The following CSMD1 variants were observed in gnomAD, a reference collection of about 807,000 sequenced individuals.
The protein encoded by CSMD1 is CUB and sushi domain-containing protein 1.
Under a neutral mutation model 417.5 loss-of-function variants are expected in CSMD1, and 213 were observed. That is an observed-to-expected ratio of 0.51 (90% CI 0.46 to 0.57). CSMD1 has a LOEUF of 0.57. Ranked by LOEUF, CSMD1 falls within the 20% of genes least tolerant of loss-of-function variation. CSMD1 has a pLI of 0.00. For synonymous variants in CSMD1, 2,862 were observed against 1,736.8 expected, an observed-to-expected ratio of 1.65 and a Z score of -16.11; for missense variants, 6,923 against 4,529.7, an observed-to-expected ratio of 1.53 and a Z score of -15.17.
At chr8:4,135,650 T>C (rs1249097894) in intron 3 of CSMD1, among the ~76,000 whole-genome samples, 7 of 152,120 alleles carry the variant, frequency 4.6e-5, no homozygotes, top group East Asian at 1.9e-4. Context: ...GGATAATATA[T>C]GAAGAAGAAA....
chr8:3,530,315 C>G (rs1451476421), intron 10 of CSMD1, among the ~76,000 whole-genome samples: 2 of 151,902 alleles, frequency 1.3e-5, no homozygotes, highest in Non-Finnish European at 2.9e-5. Context: ...CCCTCTTGGC[C>G]CTGTTTTGGC....
chr8:3,517,426 T>G (rs1797327698), intron 10 of CSMD1, among the ~76,000 whole-genome samples: 1 of 152,164 alleles, frequency 6.6e-6, no homozygotes, highest in African/African-American at 2.4e-5. Context: ...GAGAGTCCTC[T>G]ACACTCCAAC....
chr8:3,798,930 TATC>T (rs1008702312), intron 5 of CSMD1, among the ~76,000 whole-genome samples: 1 of 152,140 alleles, frequency 6.6e-6, no homozygotes, highest in South Asian at 2.1e-4. Context: ...AAGCTAAACA[TATC>T]ATATATATAA....
intron 38 of CSMD1, among the ~76,000 whole-genome samples, chr8:3,159,614 AT>A (rs1819754526): frequency 6.6e-6 from 1 of 152,232 alleles, no homozygotes; most frequent in African/African-American, 2.4e-5. Flanking sequence ...GTTGTTAGCA[AT>A]TCAAAAAAAA....
chr8:4,083,092 T>C (rs952385186), intron 3 of CSMD1, among the ~76,000 whole-genome samples: 3 of 152,136 alleles, frequency 2.0e-5, no homozygotes, highest in Admixed American at 6.6e-5. Flanking sequence ...CATGTTTCTT[T>C]ATAGCAGCAT....
At chr8:3,709,111 C>G (rs1363666950) in intron 6 of CSMD1, among the ~76,000 whole-genome samples, 1 of 150,768 alleles carries the variant, frequency 6.6e-6, no homozygotes, top group African/African-American at 2.4e-5. Flanking sequence ...AAATATGTTT[C>G]TTGATGTACT....
chr8:4,611,378 C>T (rs971279302), intron 2 of CSMD1, among the ~76,000 whole-genome samples: 2 of 152,160 alleles, frequency 1.3e-5, no homozygotes, highest in African/African-American at 4.8e-5. Flanking sequence ...TAACTCAGCT[C>T]CCCACTGGCT....
chr8:4,726,569 C>G (rs984132568), intron 1 of CSMD1, among the ~76,000 whole-genome samples: 3 of 152,144 alleles, frequency 2.0e-5, no homozygotes, highest in Non-Finnish European at 2.9e-5. Context: ...ACTTCCCTGT[C>G]TGACAGGTGA....
At chr8:4,446,693 C>G (rs1798810157) in intron 2 of CSMD1, among the ~76,000 whole-genome samples, 1 of 150,708 alleles carries the variant, frequency 6.6e-6, no homozygotes, top group Non-Finnish European at 1.5e-5. Context: ...GCTGCGATTA[C>G]TCGTGCCCAC....
At chr8:3,580,114 G>T (rs76425249) in intron 9 of CSMD1, among the ~76,000 whole-genome samples, 18 of 151,894 alleles carry the variant, frequency 1.2e-4, no homozygotes, top group African/African-American at 4.4e-4. Flanking sequence ...AAAAAGAAAA[G>T]AAAATAAAAA....
At chr8:3,578,262 G>C (rs537989971) in intron 9 of CSMD1, among the ~76,000 whole-genome samples, 1 of 152,160 alleles carries the variant, frequency 6.6e-6, no homozygotes, top group Non-Finnish European at 1.5e-5. Flanking sequence ...GGCTGAGAAA[G>C]AAGAGATGAC....
rs570921152 is a variant in CSMD1 at position 4,167,846 on chromosome 8, G to A, written c.416-135747C>T. ...CTCTACCAAGAATTATATATAAAAA[G>A]GCCAGACATGATGGCTTAGGCCTGT... On this transcript the variant is annotated intron_variant, in intron 3 of 69. Transcript: ENST00000635120. Among the ~76,000 whole-genome samples, 4 of 152,148 alleles carry A rather than the reference G, an allele frequency of 2.6e-5. No individual in the cohort carries two copies. The South Asian group carries it at 8.3e-4, about 32-fold the overall frequency.
intron 1 of CSMD1, among the ~76,000 whole-genome samples, chr8:4,718,851 A>G (rs1290784034): frequency 6.6e-6 from 1 of 152,104 alleles, no homozygotes; most frequent in Non-Finnish European, 1.5e-5. Flanking sequence ...AATACTCCCT[A>G]AAAAGTACCA....
intron 7 of CSMD1, among the ~76,000 whole-genome samples, chr8:3,702,511 T>C (rs1800927691): frequency 1.3e-5 from 2 of 152,146 alleles, no homozygotes; most frequent in South Asian, 2.1e-4. Context: ...GAAGAAGAAA[T>C]GACAGGTACT....
intron 2 of CSMD1, among the ~76,000 whole-genome samples, chr8:4,474,671 A>G (rs1371471556): frequency 1.3e-5 from 2 of 152,106 alleles, no homozygotes; most frequent in Non-Finnish European, 2.9e-5. Flanking sequence ...TTGACGTTGA[A>G]CAACAACGTG....
chr8:3,345,128 G>A (rs567352725), intron 22 of CSMD1, among the ~76,000 whole-genome samples: 2 of 152,280 alleles, frequency 1.3e-5, no homozygotes, highest in African/African-American at 2.4e-5. Context: ...AAATACGAAA[G>A]AACTAGACAC....
intron 2 of CSMD1, among the ~76,000 whole-genome samples, chr8:4,613,646 C>T (rs1052842621): frequency 6.6e-6 from 1 of 152,038 alleles, no homozygotes; most frequent in African/African-American, 2.4e-5. Flanking sequence ...GCCTGACAAC[C>T]CTTAATGAAT....
At chr8:3,132,211 A>G (rs909778528) in intron 41 of CSMD1, among the ~76,000 whole-genome samples, 5 of 152,084 alleles carry the variant, frequency 3.3e-5, no homozygotes, top group African/African-American at 4.8e-5. Context: ...ATCATGTTGG[A>G]TTTTAATTTT....
chr8:4,684,256 A>G (rs1380665695), intron 1 of CSMD1, among the ~76,000 whole-genome samples: 5 of 152,234 alleles, frequency 3.3e-5, no homozygotes, highest in African/African-American at 1.2e-4. Flanking sequence ...TTCTACAATA[A>G]GTGTGCATTG....
Sources: allele counts gnomAD v4.1 joint callset (sites outside exome capture counted in the v4.1 genomes callset), GRCh38; gene constraint gnomAD v4.1.1; transcripts MANE v1.5; gene names NCBI Gene and HGNC (gene_info 2026-07-23, HGNC 2026-07-21).